Variants in IPO4 observed in about 807,000 individuals in gnomAD.
IPO4 encodes the protein importin 4.
Under a neutral mutation model 133.5 loss-of-function variants are expected in IPO4, and 91 were observed. The observed-to-expected ratio is 0.68, with a 90% CI of 0.58 to 0.81. IPO4 has a LOEUF of 0.81. Ranked by LOEUF, IPO4 falls within the 30% of genes least tolerant of loss-of-function variation. The probability of loss-of-function intolerance (pLI) is 0.00; values close to 1 mark genes in which losing one functional copy is unlikely to be tolerated. For missense variants in IPO4, 1,279 were observed against 1,386.2 expected, an observed-to-expected ratio of 0.92 and a Z score of 1.23; for synonymous variants, 607 against 581.6, an observed-to-expected ratio of 1.04 and a Z score of -0.63.
chr14:24,185,157 C>T (rs764953914), intron 14 of IPO4, 26 bp downstream of exon 14: 3 of 1,613,414 alleles, frequency 1.9e-6, no homozygotes, highest in African/African-American at 2.7e-5. Context: ...ATCCCCCTTC[C>T]CCAAGCTCCC....
At position 24,187,085 on chromosome 14, in the gene IPO4, C is replaced by T. The variant is rs2039233605; in HGVS notation, c.654G>A (p.Glu218=). 6.2e-7 allele frequency: 1 copy of T among 1,613,898 alleles called. No individual in the cohort carries two copies. Among genetic ancestry groups the T allele is most frequent in the Non-Finnish European group, 8.5e-7 (1 of 1,179,914 alleles). ...MAMQTLIPID[E]AKACEALEAL... The stretch of plus-strand genomic sequence containing the variant: ...AGAGCTCCTGCCCACCTGTCCTCAC[C>T]TCATCTATGGGGATCAGAGTCTGCA... Residue 218 remains glutamate (E), a splice_region_variant and synonymous_variant, in exon 7 of 30, where the codon GAG becomes GAA. Coordinates refer to ENST00000354464, the MANE Select transcript of IPO4 (RefSeq NM_024658.4).
rs756674360 is a variant in IPO4, at chr14:24,184,085, C to T, written c.1782G>A (p.Ser594=). 1.6e-5 allele frequency: 25 copies of T among 1,612,690 alleles called. No individual in the cohort carries two copies. Among genetic ancestry groups the T allele is most frequent in the East Asian group, 4.5e-5 (2 of 44,862 alleles). Residue 594 remains serine (S), a synonymous_variant, in exon 18 of 30, where the codon TCG becomes TCA. Coordinates refer to ENST00000354464, the MANE Select transcript of IPO4 (RefSeq NM_024658.4). ...RCTYSLFAAL[S]GLMGEGLAPH... is the part of the protein sequence containing the mutation. ...GCGCCAGGCCCTCACCCATCAGACC[C>T]GATAAGGCTGCAAATAGGCTGTACC... is the stretch of plus-strand genomic sequence containing the variant.
rs774246528 is a variant in IPO4 at position 24,182,344 on chromosome 14, G to A, written c.2532C>T (p.Ala844=). ...GGGCAAAGGAGTCTCCCCCAGCCGC[G>A]GCTGCCAGGGCAGGGATGGCCTCTC... is the stretch of plus-strand genomic sequence containing the variant. The part of the protein sequence containing the change: ...HAGEAIPALA[A]AAGGDSFAPF... Residue 844 remains alanine, a synonymous_variant, in exon 25 of 30, where the codon GCC becomes GCT. Coordinates refer to ENST00000354464, the MANE Select transcript of IPO4 (RefSeq NM_024658.4). 37 of 1,613,634 alleles carry A rather than the reference G, an allele frequency of 2.3e-5. 1 individual carries two copies. The South Asian group carries it at 3.1e-4, about 13-fold the overall frequency.
chr14:24,187,919 A>T, intron 4 of IPO4, 123 bp from the exon 5 acceptor site: 1 of 1,247,984 alleles, frequency 8.0e-7, no homozygotes, highest in Admixed American at 2.1e-5. Flanking sequence ...GTCTTTGCCA[A>T]GTTGGGACAC....
At chr14:24,183,969 C>A (rs773651886) in intron 18 of IPO4, 29 bp downstream of exon 18, 3 of 1,602,136 alleles carry the variant, frequency 1.9e-6, no homozygotes, top group Non-Finnish European at 2.6e-6. Context: ...CAGGGCAGGC[C>A]TGGCCCAGCC....
In IPO4 at chr14:24,183,933, C is replaced by T. The variant is rs1319963944; in HGVS notation, c.1870-35G>A. 3 of 1,613,668 alleles carry T rather than the reference C, an allele frequency of 1.9e-6. No homozygotes were observed. The African/African-American group carries it at 4.0e-5, about 22-fold the overall frequency. ...AGGCACGGCAAGGACTTTGGCTCAG[C>T]TGGGCCCAGGAGATAAATCCCATTG... is the stretch of plus-strand genomic sequence containing the variant. On this transcript the variant is annotated intron_variant, in intron 18 of 29. Transcript: ENST00000354464.
At position 24,187,605 on chromosome 14, in the gene IPO4, G is replaced by A. The variant is rs377482155; in HGVS notation, c.409-26C>T. 273 of 1,613,914 alleles carry A rather than the reference G, an allele frequency of 1.7e-4. 1 individual carries two copies. Among genetic ancestry groups the A allele is most frequent in the Admixed American group, 2.5e-4 (15 of 60,000 alleles). On this transcript the variant is annotated intron_variant, in intron 5 of 29. Coordinates refer to ENST00000354464, the MANE Select transcript of IPO4 (RefSeq NM_024658.4). The stretch of plus-strand genomic sequence containing the variant: ...CTGTCCAAGAATAGAGGATGGGAGA[G>A]CAAGCTTACAAGGTCTATCCAGCCT...
At chr14:24,188,504 C>T (rs1192818632) in intron 2 of IPO4, 48 bp downstream of exon 2, 1 of 1,608,028 alleles carries the variant, frequency 6.2e-7, no homozygotes, top group South Asian at 1.1e-5. Flanking sequence ...TGGGGCTTGA[C>T]CGGTGGCGTA....
rs779970907 is a variant in IPO4, at chr14:24,183,604, G to A, written c.2049C>T (p.Ile683=). 36 of 1,614,058 alleles carry A rather than the reference G, an allele frequency of 2.2e-5. No homozygotes were observed. In the Admixed American group the frequency reaches 6.0e-4, roughly 27 times the overall value. Residue 683 remains isoleucine (I), a synonymous_variant, in exon 20 of 30, where the codon ATC becomes ATT. Coordinates refer to ENST00000354464, the MANE Select transcript of IPO4 (RefSeq NM_024658.4). Reference sequence around the variant, plus strand: ...CGAATGCTCACCTGGTGTTCACAGAGATCTCCCCCACGGCAGCACAGGTGT... The same window carrying A: ...CGAATGCTCACCTGGTGTTCACAGAAATCTCCCCCACGGCAGCACAGGTGT... ...KEDTCAAVGE[I]SVNTSVAFLP...
At chr14:24,182,627 G>C (rs1357897602) in intron 24 of IPO4, 165 bp downstream of exon 24, 7 of 965,178 alleles carry the variant, frequency 7.3e-6, no homozygotes, top group Non-Finnish European at 1.2e-5. Context: ...CTCCTTCCCT[G>C]AACTCCCACT....
At position 24,183,852 on chromosome 14, in the gene IPO4, C is replaced by T. The variant is rs1392345381; in HGVS notation, c.1916G>A (p.Ser639Asn). 3.1e-6 allele frequency: 5 copies of T among 1,614,102 alleles called. No homozygotes were observed. The highest frequency in any genetic ancestry group is 4.2e-6 in the Non-Finnish European group (5 of 1,180,014). Reference protein sequence around the residue: ...SSSFLLFDDESDGEEEEELMD... With the variant: ...SSSFLLFDDENDGEEEEELMD... Reference sequence around the variant, plus strand: ...GAGCTCCTCCTCTTCTTCCCCATCACTCTCATCGTCAAACAGAAGGAAGGA... The same window carrying T: ...GAGCTCCTCCTCTTCTTCCCCATCATTCTCATCGTCAAACAGAAGGAAGGA... Residue 639 changes from serine to asparagine, a missense_variant, in exon 19 of 30, where the codon AGT becomes AAT. Transcript: ENST00000354464.
intron 18 of IPO4, 26 bp downstream of exon 18, chr14:24,183,972 G>GAC: frequency 6.4e-7 from 1 of 1,573,290 alleles, no homozygotes; most frequent in South Asian, 1.1e-5. Context: ...GGCAGGCCTG[G>GAC]CCCAGCCCAC....
chr14:24,183,069 T>C lies in IPO4; in HGVS notation c.2328A>G (p.Thr776=), dbSNP rs779792959. 9.9e-6 allele frequency: 16 copies of C among 1,613,640 alleles called. No individual in the cohort carries two copies. Among genetic ancestry groups the C allele is most frequent in the Admixed American group, 1.7e-5 (1 of 60,002 alleles). ...GGGTCCCACAGCTGCGGAGCACCCC[T>C]GTCAGGGCCTCCAGCACGGCCATCA... is the stretch of plus-strand genomic sequence containing the variant. ...QVVMAVLEAL[T]GVLRSCGTLT... is the part of the protein sequence containing the mutation. The change falls in exon 23 of 30, where the codon ACA becomes ACG. Residue 776 remains threonine (T), a synonymous_variant. Coordinates refer to ENST00000354464, the MANE Select transcript of IPO4 (RefSeq NM_024658.4).
At position 24,185,460 on chromosome 14, in the gene IPO4, T is replaced by C; in HGVS notation, c.1277A>G (p.Gln426Arg). 1 of 1,614,050 alleles carries C rather than the reference T, an allele frequency of 6.2e-7. No individual in the cohort carries two copies. The highest frequency in any genetic ancestry group is 8.5e-7 in the Non-Finnish European group (1 of 1,179,888). ...GCTCCCACATTCAGCCTGGTTCACC[T>C]GTAGGTTTTCTGAGAACTGGCCCAG... is the stretch of plus-strand genomic sequence containing the variant. Reference protein sequence around the residue: ...FALGQFSENLQPHISSYSREV... With the variant: ...FALGQFSENLRPHISSYSREV... Residue 426 changes from glutamine to arginine, a missense_variant and splice_region_variant, in exon 13 of 30, where the codon CAG (glutamine) becomes CGG (arginine). Gln to Arg is a conservative substitution (Grantham distance 43). Coordinates refer to ENST00000354464, the MANE Select transcript of IPO4 (RefSeq NM_024658.4).
intron 4 of IPO4, 197 bp downstream of exon 4, chr14:24,188,019 T>C: frequency 1.3e-6 from 1 of 771,416 alleles, no homozygotes; most frequent in Non-Finnish European, 2.1e-6. Context: ...TCAGTCTTAT[T>C]CTTCTGACTT....
chr14:24,188,540 CAG>C lies in IPO4; in HGVS notation c.156+10_156+11del, dbSNP rs2039261660. On this transcript the variant is annotated intron_variant, in intron 2 of 29. Transcript: ENST00000354464. ...CAGTGGGAAGCTCGGAGGGGAGAGT[CAG>C]GGGTCTCACCTGGGGGTCGGCCGCC... 1.2e-6 allele frequency: 2 copies of C among 1,611,234 alleles called. No homozygotes were observed. Among genetic ancestry groups the C allele is most frequent in the Non-Finnish European group, 1.7e-6 (2 of 1,178,732 alleles).
Position 24,188,590 on chromosome 14 carries a change from C to G in IPO4, c.118G>C (p.Ala40Pro). ...IVLRAPAALP[A>P]LCDLLASAAD... ...GCCGAGGCTAGCAGGTCGCAGAGAG[C>G]CGGCAAAGCGGCGGGGGCCCGAAGA... Residue 40 changes from alanine (A) to proline (P), a missense_variant, in exon 2 of 30, where the codon GCT becomes CCT. Around this residue, in one of 3 missense-constraint regions of IPO4, gnomAD observed 695 missense variants for 704.1 expected, o/e 0.99. Coordinates refer to ENST00000354464, the MANE Select transcript of IPO4 (RefSeq NM_024658.4). 1 of 1,613,196 alleles carries G rather than the reference C, an allele frequency of 6.2e-7. No individual in the cohort carries two copies. Among genetic ancestry groups the G allele is most frequent in the Non-Finnish European group, 8.5e-7 (1 of 1,179,752 alleles).
At chr14:24,188,057 C>T in intron 4 of IPO4, 159 bp downstream of exon 4, 2 of 839,402 alleles carry the variant, frequency 2.4e-6, no homozygotes, top group Non-Finnish European at 3.8e-6. Flanking sequence ...ATCACCCTTC[C>T]TCAAGAACTT....
intron 17 of IPO4, 43 bp from the exon 18 acceptor site, chr14:24,184,152 A>G: frequency 6.4e-7 from 1 of 1,572,634 alleles, no homozygotes; most frequent in Non-Finnish European, 8.7e-7. Flanking sequence ...CCTGCCTGCT[A>G]CCACCAGGCA....
Sources: gnomAD v4.1 joint callset for allele counts on GRCh38, gnomAD v4.1.1 for gene constraint, gnomAD v4.1.1 regional missense constraint, MANE v1.5 for transcripts, NCBI Gene and HGNC (gene_info 2026-07-23, HGNC 2026-07-21) for gene names.